The following APLF variants were observed in gnomAD, a reference collection of about 807,000 sequenced individuals.
APLF encodes the protein aprataxin and PNKP like factor, also known as aprataxin and PNK-like factor.
A neutral mutation model predicts 55.6 loss-of-function variants in APLF; 61 were observed. The observed-to-expected ratio is 1.10, with a 90% CI of 0.89 to 1.36. The LOEUF (loss-of-function observed/expected upper bound fraction) is 1.36. Ranked by LOEUF, APLF falls within the 40% of genes most tolerant of loss-of-function variation. The pLI, the probability that APLF is intolerant of heterozygous loss-of-function variation, is 0.00. For missense variants in APLF, 611 were observed against 602.5 expected, an observed-to-expected ratio of 1.01 and a Z score of -0.15; for synonymous variants, 207 against 214.8, an observed-to-expected ratio of 0.96 and a Z score of 0.32.
At chr2:68,545,042 T>C (rs1016982619) in intron 7 of APLF, 145 bp from the exon 8 acceptor site, 2 of 883,052 alleles carry the variant, frequency 2.3e-6, no homozygotes, top group Non-Finnish European at 3.3e-6. Flanking sequence ...CATGTTGATG[T>C]AATCTGCGCT....
chr2:68,551,603 C>CTTTTTTTTTTTTTTTTT (rs70954311), intron 8 of APLF, among the ~76,000 whole-genome samples: 1 of 115,752 alleles, frequency 8.6e-6, no homozygotes, highest in Non-Finnish European at 1.8e-5. Flanking sequence ...TCTTCTTCTT[C>CTTTTTTTTTTTTTTTTT]TTTTTTTTTT....
rs756116345 is a variant in APLF, at chr2:68,502,756, A to G, written c.194A>G (p.Gln65Arg). ...ATACACACAAATCCATGTTTTTACC[A>G]GTCTTCAGAGAAGAGTCAGCTCTTA... ...KPIHTNPCFY[Q>R]SSEKSQLLPL... The change falls in exon 3 of 10, where the codon CAG becomes CGG. Residue 65 changes from glutamine to arginine, a missense_variant. Coordinates refer to ENST00000303795, the MANE Select transcript of APLF (RefSeq NM_173545.3). The G allele has an allele frequency of 6.5e-7, 1 of 1,548,292 alleles. No homozygotes were observed. The highest frequency in any genetic ancestry group is 8.6e-7 in the Non-Finnish European group (1 of 1,156,590).
intron 3 of APLF, among the ~76,000 whole-genome samples, chr2:68,511,891 C>T (rs1669383662): frequency 6.6e-6 from 1 of 151,646 alleles, no homozygotes; most frequent in Non-Finnish European, 1.5e-5. Context: ...TCTCTTTTGG[C>T]TGATTCTTGC....
chr2:68,498,587 CTAGCTCATGAGGAGATGATGT>C (rs1475275699), intron 2 of APLF, among the ~76,000 whole-genome samples: 3 of 152,190 alleles, frequency 2.0e-5, no homozygotes, highest in African/African-American at 4.8e-5. Flanking sequence ...GGAGATGATG[CTAGCTCATGAGGAGATGATGT>C]TAGCTTTTTT....
intron 5 of APLF, among the ~76,000 whole-genome samples, chr2:68,518,530 A>C (rs1310956718): frequency 8.5e-6 from 1 of 117,706 alleles, no homozygotes; most frequent in African/African-American, 3.4e-5. Context: ...TATATTATAT[A>C]TTAATATATA....
intron 1 of APLF, among the ~76,000 whole-genome samples, chr2:68,478,846 T>C (rs1181523814): frequency 6.6e-6 from 1 of 152,246 alleles, no homozygotes; most frequent in Non-Finnish European, 1.5e-5. Context: ...TGATTAGTAC[T>C]GCCCTTATCT....
chr2:68,493,158 C>G (rs1420534861), intron 2 of APLF, among the ~76,000 whole-genome samples: 1 of 152,126 alleles, frequency 6.6e-6, no homozygotes, highest in East Asian at 1.9e-4. Flanking sequence ...GATGATCTGT[C>G]TTAACAAGAA....
intron 5 of APLF, among the ~76,000 whole-genome samples, chr2:68,521,833 A>C (rs1669906639): frequency 2.0e-5 from 3 of 151,986 alleles, no homozygotes; most frequent in Admixed American, 2.0e-4. Flanking sequence ...GAATATTTTC[A>C]CCATGGCAAT....
chr2:68,472,839 A>G (rs992060828), intron 1 of APLF, among the ~76,000 whole-genome samples: 1 of 152,154 alleles, frequency 6.6e-6, no homozygotes, highest in African/African-American at 2.4e-5. Flanking sequence ...GTTTTTTAAT[A>G]TATTAGTTTT....
chr2:68,538,137 T>G lies in APLF; in HGVS notation c.1070T>G (p.Leu357Trp), dbSNP rs1162597179. 1 of 1,614,080 alleles carries G rather than the reference T, an allele frequency of 6.2e-7. No homozygotes were observed. The highest frequency in any genetic ancestry group is 2.2e-5 in the East Asian group (1 of 44,876). ...TCTAATCCCTCCAATCCTGAAACTT[T>G]GCATGCAAAGGCAACTGATTCAGTT... ...SSSNPSNPET[L>W]HAKATDSVLQ... The change falls in exon 7 of 10, where the codon TTG (leucine) becomes TGG (tryptophan). Residue 357 changes from leucine to tryptophan, a missense_variant. Leu to Trp is a moderately conservative substitution (Grantham distance 61, BLOSUM62 -2). Coordinates refer to ENST00000303795, the MANE Select transcript of APLF (RefSeq NM_173545.3).
chr2:68,548,038 G>A (rs190764245), intron 8 of APLF, among the ~76,000 whole-genome samples: 43 of 151,656 alleles, frequency 2.8e-4, no homozygotes, highest in African/African-American at 9.9e-4. Flanking sequence ...AAGAAGGAAG[G>A]TAAGTTTAGA....
intron 2 of APLF, among the ~76,000 whole-genome samples, chr2:68,495,164 T>G (rs1676501329): frequency 6.6e-6 from 1 of 152,222 alleles, no homozygotes; most frequent in African/African-American, 2.4e-5. Context: ...CTTTTCACAT[T>G]GCAAGATACA....
intron 8 of APLF, 116 bp downstream of exon 8, chr2:68,545,428 CT>C: frequency 7.8e-7 from 1 of 1,282,532 alleles, no homozygotes; most frequent in Non-Finnish European, 1.0e-6. Context: ...TTTTAAACTT[CT>C]GTAGATTACA....
chr2:68,477,349 C>T (rs911419690), intron 1 of APLF, among the ~76,000 whole-genome samples: 2 of 152,066 alleles, frequency 1.3e-5, no homozygotes, highest in Admixed American at 6.6e-5. Context: ...AAAAACAGAT[C>T]TCAGCTGGGT....
At chr2:68,513,784 A>T (rs2103953732) in intron 5 of APLF, 104 bp downstream of exon 5, 1 of 1,336,438 alleles carries the variant, frequency 7.5e-7, no homozygotes, top group Non-Finnish European at 1.0e-6. Flanking sequence ...GAGATAGAGT[A>T]GAGGTTGTGT....
At chr2:68,556,653 C>T (rs1039481077) in intron 8 of APLF, among the ~76,000 whole-genome samples, 2 of 152,196 alleles carry the variant, frequency 1.3e-5, no homozygotes, top group African/African-American at 4.8e-5. Flanking sequence ...CTATTTTCAA[C>T]CAACTTGGTG....
At chr2:68,472,688 A>G (rs1675657303) in intron 1 of APLF, among the ~76,000 whole-genome samples, 1 of 152,052 alleles carries the variant, frequency 6.6e-6, no homozygotes, top group African/African-American at 2.4e-5. Flanking sequence ...GAATTTTGGT[A>G]GGTGGAGTGG....
At chr2:68,473,925 G>A (rs948833565) in intron 1 of APLF, among the ~76,000 whole-genome samples, 2 of 152,086 alleles carry the variant, frequency 1.3e-5, no homozygotes, top group South Asian at 2.1e-4. Flanking sequence ...CACATGTTGA[G>A]GGCTCAGTTC....
chr2:68,471,154 G>A (rs991007528), intron 1 of APLF, among the ~76,000 whole-genome samples: 2 of 152,118 alleles, frequency 1.3e-5, no homozygotes, highest in African/African-American at 4.8e-5. Context: ...CGGCATCTCA[G>A]CCTCTCATTC....
Sources: gnomAD v4.1 joint callset for allele counts (sites outside exome capture counted in the v4.1 genomes callset) on GRCh38, gnomAD v4.1.1 for gene constraint, MANE v1.5 for transcripts, NCBI Gene and HGNC (gene_info 2026-07-23, HGNC 2026-07-21) for gene names.